Variants in CNTNAP2 observed in about 807,000 individuals in gnomAD.
The protein encoded by CNTNAP2 is contactin associated protein 2.
A neutral mutation model predicts 155.2 loss-of-function variants in CNTNAP2; 98 were observed. The ratio of observed to expected loss-of-function variants is 0.63; its 90% CI spans 0.54 to 0.75. CNTNAP2 has a LOEUF of 0.75. CNTNAP2 is among the 30% of genes least tolerant of loss of function. The probability of loss-of-function intolerance (pLI) is 0.00; values close to 1 mark genes in which losing one functional copy is unlikely to be tolerated. For synonymous variants in CNTNAP2, 651 were observed against 631.2 expected, an observed-to-expected ratio of 1.03 and a Z score of -0.47; for missense variants, 1,727 against 1,688.1, an observed-to-expected ratio of 1.02 and a Z score of -0.40.
intron 22 of CNTNAP2, among the ~76,000 whole-genome samples, chr7:148,399,351 T>C (rs1382414871): frequency 6.6e-6 from 1 of 152,188 alleles, no homozygotes; most frequent in Non-Finnish European, 1.5e-5. Context: ...CACGTGCCTA[T>C]AGTCCCAGCT....
At chr7:148,292,494 G>C (rs552721913) in intron 21 of CNTNAP2, among the ~76,000 whole-genome samples, 1 of 152,322 alleles carries the variant, frequency 6.6e-6, no homozygotes, top group African/African-American at 2.4e-5. Flanking sequence ...AAGCATGCTA[G>C]AGTTACAGTG....
chr7:146,910,101 T>C (rs992618083), intron 3 of CNTNAP2, among the ~76,000 whole-genome samples: 2 of 126,918 alleles, frequency 1.6e-5, no homozygotes, highest in Admixed American at 7.6e-5. Flanking sequence ...TCACAAGGGA[T>C]GTGAAGGACC....
intron 1 of CNTNAP2, among the ~76,000 whole-genome samples, chr7:146,531,484 G>T (rs1797768470): frequency 6.6e-6 from 1 of 152,074 alleles, no homozygotes; most frequent in African/African-American, 2.4e-5. Flanking sequence ...AAGATAATCA[G>T]TAAATGCCTG....
intron 1 of CNTNAP2, among the ~76,000 whole-genome samples, chr7:146,193,389 A>T (rs577881750): frequency 2.6e-3 from 396 of 152,330 alleles, no homozygotes; most frequent in African/African-American, 9.2e-3. Context: ...AAGGGTTTCC[A>T]TAAGGCCTCT....
chr7:147,803,906 C>A (rs143897628), intron 13 of CNTNAP2, among the ~76,000 whole-genome samples: 1 of 152,194 alleles, frequency 6.6e-6, no homozygotes, highest in Admixed American at 6.5e-5. Context: ...CTATTGCCTG[C>A]ACTTAATTTC....
chr7:147,547,259 C>A (rs919705607), intron 11 of CNTNAP2, among the ~76,000 whole-genome samples: 3 of 152,084 alleles, frequency 2.0e-5, no homozygotes, highest in Admixed American at 6.5e-5. Context: ...ATTATTTATC[C>A]TTTCCTTCAA....
Position 148,283,292 on chromosome 7 carries a change from AAAGAAAGAAAGAAAGGAAGGAAGG to A in CNTNAP2, c.3475+16170_3475+16193del, listed in dbSNP as rs1418532121. ...GAAAGAAAGAAAGAAAGAAAGAAAG[AAAGAAAGAAAGAAAGGAAGGAAGG>A]AAGGAAAGAAAGAAAGAATTCTTAT... On this transcript the variant is annotated intron_variant, in intron 21 of 23. Coordinates refer to ENST00000361727, the MANE Select transcript of CNTNAP2 (RefSeq NM_014141.6). Among the ~76,000 whole-genome samples the A allele has an allele frequency of 2.9e-3, 288 of 97,682 alleles. 17 individuals carry two copies. The highest frequency in any genetic ancestry group is 0.015 in the African/African-American group (263 of 17,806). 64.1% of individuals were successfully genotyped at this position (97,682 alleles called of 152,430 possible).
In CNTNAP2 at chr7:148,098,625, G is replaced by T. The variant is rs868330257; in HGVS notation, c.2384-19493G>T. On this transcript the variant is annotated intron_variant, in intron 15 of 23. Transcript: ENST00000361727. ...AGGCTGAGCAAGGAGGATCACTTGA[G>T]CCCAGGAGTTTGAGTCCAGCCTAGG... Among the ~76,000 whole-genome samples, 23 of 152,026 alleles carry T rather than the reference G, an allele frequency of 1.5e-4. No homozygotes were observed. In the South Asian group the frequency reaches 3.9e-3, roughly 26 times the overall value.
At chr7:146,127,678 A>G (rs758358411) in intron 1 of CNTNAP2, among the ~76,000 whole-genome samples, 9 of 152,138 alleles carry the variant, frequency 5.9e-5, no homozygotes, top group Admixed American at 1.3e-4. Flanking sequence ...TGTCCTTTCC[A>G]CAAGCTATTA....
In CNTNAP2 at chr7:147,221,014, A is replaced by C. The variant is rs373652885; in HGVS notation, c.1349-79127A>C. Among the ~76,000 whole-genome samples, 3 of 151,982 alleles carry C rather than the reference A, an allele frequency of 2.0e-5. No homozygotes were observed. In the East Asian group the frequency reaches 5.8e-4, roughly 29 times the overall value. ...GGCGTGATCCACCACACCTGGCCAC[A>C]CTTCTTTTTAATACTTTTTTTTTAA... On this transcript the variant is annotated intron_variant, in intron 8 of 23. Coordinates refer to ENST00000361727, the MANE Select transcript of CNTNAP2 (RefSeq NM_014141.6).
chr7:146,574,835 A>G (rs1450500603), intron 1 of CNTNAP2, among the ~76,000 whole-genome samples: 2 of 152,228 alleles, frequency 1.3e-5, no homozygotes, highest in East Asian at 3.9e-4. Context: ...GAGTGGGAAC[A>G]GTAGATAATG....
chr7:146,319,601 T>A (rs1800965928), intron 1 of CNTNAP2, among the ~76,000 whole-genome samples: 1 of 152,230 alleles, frequency 6.6e-6, no homozygotes, highest in Non-Finnish European at 1.5e-5. Flanking sequence ...TGATTTCTTA[T>A]ACTCTTTGAA....
intron 8 of CNTNAP2, among the ~76,000 whole-genome samples, chr7:147,151,182 T>G (rs1191496205): frequency 6.6e-6 from 1 of 152,176 alleles, no homozygotes; most frequent in Non-Finnish European, 1.5e-5. Flanking sequence ...AGAGGCCGAG[T>G]TGGTACTTGA....
Position 147,044,198 on chromosome 7 carries a change from A to G in CNTNAP2, c.550+144A>G. The G allele has an allele frequency of 7.5e-6, 6 of 796,122 alleles. No homozygotes were observed. The South Asian group carries it at 8.7e-5, about 12-fold the overall frequency. The allele number at this position is 796,122 out of a possible 1,614,324, so 49.3% of individuals were successfully genotyped here. A position where few individuals can be genotyped will look rare whatever the true frequency, so the allele number is the denominator to read the frequency against. ...TACATATATATGTATCTATGCATAG[A>G]TACATATATATATAATAAAAGGTTG... On this transcript the variant is annotated intron_variant, in intron 4 of 23. Coordinates refer to ENST00000361727, the MANE Select transcript of CNTNAP2 (RefSeq NM_014141.6).
intron 8 of CNTNAP2, among the ~76,000 whole-genome samples, chr7:147,237,836 T>A (rs973501965): frequency 6.6e-6 from 1 of 152,226 alleles, no homozygotes; most frequent in African/African-American, 2.4e-5. Flanking sequence ...GTTATGATTA[T>A]CCCTGTTCAT....
intron 8 of CNTNAP2, among the ~76,000 whole-genome samples, chr7:147,298,288 G>T (rs1471258451): frequency 6.6e-6 from 1 of 152,002 alleles, no homozygotes; most frequent in Non-Finnish European, 1.5e-5. Context: ...GCCAGCTGTG[G>T]TGATGCACGC....
At chr7:147,484,985 AG>A (rs1798486068) in intron 10 of CNTNAP2, among the ~76,000 whole-genome samples, 1 of 152,190 alleles carries the variant, frequency 6.6e-6, no homozygotes, top group African/African-American at 2.4e-5. Context: ...AACAAAAATC[AG>A]GTTGTGGGGT....
At chr7:147,247,588 T>G (rs577422718) in intron 8 of CNTNAP2, among the ~76,000 whole-genome samples, 99 of 152,336 alleles carry the variant, frequency 6.5e-4, no homozygotes, top group African/African-American at 2.3e-3. Context: ...GGTTATACAT[T>G]TATGAATATT....
intron 2 of CNTNAP2, among the ~76,000 whole-genome samples, chr7:146,794,051 T>G (rs1477011968): frequency 3.3e-5 from 5 of 152,178 alleles, no homozygotes; most frequent in Admixed American, 3.3e-4. Context: ...AATCTAGTAT[T>G]CATTGATCTG....
Sources: gnomAD v4.1 joint callset for allele counts (sites outside exome capture counted in the v4.1 genomes callset) on GRCh38, gnomAD v4.1.1 for gene constraint, MANE v1.5 for transcripts, NCBI Gene and HGNC (gene_info 2026-07-23, HGNC 2026-07-21) for gene names.